Variants in PTPRD observed in about 807,000 individuals in gnomAD.
PTPRD encodes the protein receptor-type tyrosine-protein phosphatase delta.
A neutral mutation model predicts 214.5 loss-of-function variants in PTPRD; 34 were observed. The ratio of observed to expected loss-of-function variants is 0.16; its 90% CI spans 0.12 to 0.21. The LOEUF (loss-of-function observed/expected upper bound fraction) is 0.21, where lower values mean the gene tolerates loss of function less well. Ranked by LOEUF, PTPRD falls within the 10% of genes least tolerant of loss-of-function variation. PTPRD has a pLI of 1.00. For synonymous variants in PTPRD, 1,128 were observed against 845.7 expected (o/e 1.33, Z -5.79); for missense variants, 2,545 against 2,398.7 (o/e 1.06, Z -1.27).
At chr9:10,050,403 C>CA (rs1340453365) in intron 3 of PTPRD, among the ~76,000 whole-genome samples, 1 of 150,614 alleles carries the variant, frequency 6.6e-6, no homozygotes, top group East Asian at 2.0e-4. Flanking sequence ...ACTAAAAATA[C>CA]AAAAAAACTA....
At chr9:10,289,250 T>G (rs1257675165) in intron 3 of PTPRD, among the ~76,000 whole-genome samples, 1 of 152,158 alleles carries the variant, frequency 6.6e-6, no homozygotes, top group Non-Finnish European at 1.5e-5. Flanking sequence ...TTTTATGTAT[T>G]TATTAACAGG....
chr9:9,197,201 C>G (rs2099939087), intron 9 of PTPRD, among the ~76,000 whole-genome samples: 1 of 152,140 alleles, frequency 6.6e-6, no homozygotes, highest in Non-Finnish European at 1.5e-5. Context: ...CAAAGCCACA[C>G]TTCCTTACAC....
intron 9 of PTPRD, among the ~76,000 whole-genome samples, chr9:9,317,447 G>A (rs1963875963): frequency 6.6e-6 from 1 of 151,982 alleles, no homozygotes; most frequent in Admixed American, 6.6e-5. Flanking sequence ...GAATGCAAGT[G>A]CCCTAGGCTT....
At chr9:9,734,156 T>C (rs763353425) in intron 7 of PTPRD, among the ~76,000 whole-genome samples, 3 of 152,192 alleles carry the variant, frequency 2.0e-5, no homozygotes, top group Non-Finnish European at 4.4e-5. Flanking sequence ...AGCTCATCTT[T>C]GGTTTTTATC....
At chr9:8,763,920 A>G (rs1248872480) in intron 11 of PTPRD, among the ~76,000 whole-genome samples, 3 of 152,216 alleles carry the variant, frequency 2.0e-5, no homozygotes, top group African/African-American at 4.8e-5. Flanking sequence ...ATTCAAGACA[A>G]GACTGAACTA....
At chr9:9,023,400 A>C (rs1589977654) in intron 10 of PTPRD, among the ~76,000 whole-genome samples, 1 of 152,172 alleles carries the variant, frequency 6.6e-6, no homozygotes, top group Middle Eastern at 3.4e-3. Context: ...TTTGCTGAAT[A>C]TGAATTTTTG....
At chr9:10,425,478 T>G (rs775266438) in intron 2 of PTPRD, among the ~76,000 whole-genome samples, 2 of 151,946 alleles carry the variant, frequency 1.3e-5, no homozygotes, top group Non-Finnish European at 2.9e-5. Flanking sequence ...ATCAGTAATG[T>G]GCTACTTTGT....
intron 9 of PTPRD, among the ~76,000 whole-genome samples, chr9:9,242,269 C>T (rs192172208): frequency 1.3e-5 from 2 of 152,224 alleles, no homozygotes; most frequent in East Asian, 3.9e-4. Context: ...TCTCTGGCTG[C>T]CCTTAACATT....
At chr9:9,629,238 G>GTGTATATATA (rs149327972) in intron 7 of PTPRD, among the ~76,000 whole-genome samples, 31 of 140,400 alleles carry the variant, frequency 2.2e-4, no homozygotes, top group African/African-American at 8.7e-4. Context: ...GTGTGTGTGT[G>GTGTATATATA]TATATATATA....
At chr9:8,346,812 C>T (rs980535187) in intron 39 of PTPRD, among the ~76,000 whole-genome samples, 17 of 152,228 alleles carry the variant, frequency 1.1e-4, no homozygotes, top group African/African-American at 3.9e-4. Flanking sequence ...AAAGAGAAAT[C>T]GTATGCTGAG....
At chr9:8,643,716 G>C (rs1188652189) in intron 12 of PTPRD, among the ~76,000 whole-genome samples, 1 of 152,372 alleles carries the variant, frequency 6.6e-6, no homozygotes, top group African/African-American at 2.4e-5. Flanking sequence ...GCAGCACTGA[G>C]ACACCAGCCC....
At chr9:9,385,920 T>C (rs1383686150) in intron 9 of PTPRD, among the ~76,000 whole-genome samples, 2 of 152,152 alleles carry the variant, frequency 1.3e-5, no homozygotes, top group Non-Finnish European at 2.9e-5. Flanking sequence ...ATATGCTGTA[T>C]CATAAAACAA....
At chr9:9,853,824 G>A (rs1313575899) in intron 5 of PTPRD, among the ~76,000 whole-genome samples, 4 of 152,146 alleles carry the variant, frequency 2.6e-5, no homozygotes, top group Admixed American at 2.6e-4. Context: ...CCAAAGTGCT[G>A]AGATTATAGG....
chr9:8,412,316 T>C (rs1039135814), intron 35 of PTPRD, among the ~76,000 whole-genome samples: 5 of 152,200 alleles, frequency 3.3e-5, no homozygotes, highest in Non-Finnish European at 7.3e-5. Context: ...GAGAATATTA[T>C]TGAGTATAGG....
chr9:10,484,591 A>T (rs1298265973), intron 2 of PTPRD, among the ~76,000 whole-genome samples: 1 of 152,110 alleles, frequency 6.6e-6, no homozygotes, highest in Non-Finnish European at 1.5e-5. Flanking sequence ...TAACTGGGAT[A>T]AGATGATATT....
chr9:8,908,597 G>A (rs1478346278), intron 11 of PTPRD, among the ~76,000 whole-genome samples: 1 of 151,946 alleles, frequency 6.6e-6, no homozygotes, highest in Non-Finnish European at 1.5e-5. Flanking sequence ...CTAAAGTAAT[G>A]TTGGAGGCTG....
chr9:9,739,890 T>G (rs1596419471), intron 6 of PTPRD, among the ~76,000 whole-genome samples: 1 of 152,220 alleles, frequency 6.6e-6, no homozygotes, highest in East Asian at 1.9e-4. Context: ...AAACAGCATT[T>G]TAATTTGTAT....
intron 5 of PTPRD, among the ~76,000 whole-genome samples, chr9:9,854,933 C>A (rs190627676): frequency 2.0e-5 from 3 of 152,154 alleles, no homozygotes; most frequent in Non-Finnish European, 4.4e-5. Flanking sequence ...ATTTGGGATA[C>A]TTTTATACTA....
intron 7 of PTPRD, among the ~76,000 whole-genome samples, chr9:9,731,599 TC>T (rs1227588215): frequency 6.6e-6 from 1 of 152,038 alleles, no homozygotes; most frequent in Non-Finnish European, 1.5e-5. Flanking sequence ...CCTAATGCTA[TC>T]CTTCCCCCCT....
Sources: allele counts gnomAD v4.1 joint callset (sites outside exome capture counted in the v4.1 genomes callset), GRCh38; gene constraint gnomAD v4.1.1; transcripts MANE v1.5; gene names NCBI Gene and HGNC (gene_info 2026-07-23, HGNC 2026-07-21).